Variants in ZNF385D observed in about 807,000 individuals in gnomAD.
ZNF385D encodes zinc finger protein 659.
A neutral mutation model predicts 35.8 loss-of-function variants in ZNF385D; 15 were observed. That is an observed-to-expected ratio of 0.42 (90% confidence interval 0.28 to 0.64). The LOEUF is 0.64. Among genes scored for constraint, ZNF385D ranks in the 30% least tolerant of loss-of-function variants. ZNF385D has a pLI of 0.23. For synonymous variants in ZNF385D, 212 were observed against 186.8 expected, an observed-to-expected ratio of 1.13 and a Z score of -1.10; for missense variants, 474 against 494.6, an observed-to-expected ratio of 0.96 and a Z score of 0.39.
chr3:21,425,594 T>C lies in ZNF385D; in HGVS notation c.750A>G (p.Lys250=). The C allele has an allele frequency of 6.2e-7, 1 of 1,608,942 alleles. No individual in the cohort carries two copies. Among genetic ancestry groups the C allele is most frequent in the African/African-American group, 1.3e-5 (1 of 74,828 alleles). The change falls in exon 6 of 8, where the codon AAA becomes AAG. Residue 250 remains lysine (K), a synonymous_variant. Transcript: ENST00000281523. ...TIKAFPRAGV[K]GKGPVNKGNT... ...TTCCTTTATTAACAGGTCCTTTGCC[T>C]TTCACTCCTGCCCTAGGAAAGGCTT... is the stretch of plus-strand genomic sequence containing the variant.
intron 3 of ZNF385D, chr3:21,958,897 G>A (rs772549467): frequency 6.6e-6 from 1 of 151,968 alleles, no homozygotes; most frequent in Non-Finnish European, 1.5e-5. Flanking sequence ...GAAGATAAAT[G>A]AAACATTGTA....
In ZNF385D at chr3:22,242,180, C is replaced by T. The variant is rs151231507; in HGVS notation, c.107-73145G>A. 6.3e-3 allele frequency among the ~76,000 whole-genome samples: 942 copies of T among 150,710 alleles called. 61 individuals are homozygous for T. The highest frequency in any genetic ancestry group is 0.022 in the African/African-American group (889 of 40,682). ...GCGTGGCACCTGTATACATATGTAA[C>T]TAACCTGCACAATGTGCACATGTAC... On this transcript the variant is annotated intron_variant, in intron 2 of 5. Transcript: ENST00000494108.
chr3:21,996,880 CG>C (rs1301772730), intron 3 of ZNF385D, among the ~76,000 whole-genome samples: 1 of 152,018 alleles, frequency 6.6e-6, no homozygotes, highest in Non-Finnish European at 1.5e-5. Flanking sequence ...CTTCTCTGCC[CG>C]AGTGATTAAG....
At chr3:22,246,787 T>A (rs543480934) in intron 2 of ZNF385D, among the ~76,000 whole-genome samples, 19 of 152,278 alleles carry the variant, frequency 1.2e-4, no homozygotes, top group African/African-American at 3.6e-4. Context: ...TCTTACATGT[T>A]CCCACTCTTA....
chr3:22,296,577 A>T (rs970547491), intron 2 of ZNF385D, among the ~76,000 whole-genome samples: 25 of 152,116 alleles, frequency 1.6e-4, no homozygotes, highest in African/African-American at 5.6e-4. Context: ...AGGAAACTGA[A>T]TTGTACAAAG....
chr3:22,083,464 A>G lies in ZNF385D; in HGVS notation c.325+85353T>C, dbSNP rs529227828. ...CAAGCTTCAGTAGCTGATTCGATCA[A>G]CTGGAAGAAAGGGTATCAGTGATGG... On this transcript the variant is annotated intron_variant, in intron 3 of 5. Coordinates refer to the ZNF385D transcript ENST00000494108. Among the ~76,000 whole-genome samples the G allele has an allele frequency of 5.3e-5, 8 of 152,346 alleles. No homozygotes were observed. The South Asian group carries it at 1.0e-3, about 20-fold the overall frequency.
chr3:21,571,463 C>T (rs565395151), intron 2 of ZNF385D, among the ~76,000 whole-genome samples: 2 of 152,222 alleles, frequency 1.3e-5, no homozygotes, highest in East Asian at 3.9e-4. Context: ...AGATACATAA[C>T]TAGGAATTAA....
chr3:22,040,216 T>G (rs1698579545), intron 3 of ZNF385D, among the ~76,000 whole-genome samples: 2 of 152,224 alleles, frequency 1.3e-5, no homozygotes, highest in Admixed American at 1.3e-4. Flanking sequence ...GCTTCCTTTA[T>G]TAAACCTTTT....
chr3:21,758,991 A>AAAAAC (rs2070476006), intron 3 of ZNF385D, among the ~76,000 whole-genome samples: 1 of 147,742 alleles, frequency 6.8e-6, no homozygotes, highest in Non-Finnish European at 1.5e-5. Context: ...AAAAAAAAAA[A>AAAAAC]AAAAAAAAAA....
chr3:21,722,760 C>G (rs558000194), intron 1 of ZNF385D, among the ~76,000 whole-genome samples: 3 of 152,160 alleles, frequency 2.0e-5, no homozygotes, highest in Non-Finnish European at 4.4e-5. Context: ...ATTTTGAAGC[C>G]TGCTGGCACC....
At chr3:22,049,854 G>C (rs1240768072) in intron 3 of ZNF385D, among the ~76,000 whole-genome samples, 1 of 152,092 alleles carries the variant, frequency 6.6e-6, no homozygotes, top group African/African-American at 2.4e-5. Context: ...AATCTCACTT[G>C]ATCATGGTGA....
intron 3 of ZNF385D, among the ~76,000 whole-genome samples, chr3:22,068,674 T>G (rs987825794): frequency 1.3e-5 from 2 of 152,238 alleles, no homozygotes; most frequent in African/African-American, 2.4e-5. Flanking sequence ...CTCTCACATA[T>G]GTGAAAGGCC....
chr3:22,023,991 G>C (rs1434671617), intron 3 of ZNF385D, among the ~76,000 whole-genome samples: 1 of 152,186 alleles, frequency 6.6e-6, no homozygotes, highest in Non-Finnish European at 1.5e-5. Context: ...CCCTGGGTAT[G>C]TCTGTGAGGA....
At chr3:21,907,329 C>T (rs1293714117) in intron 3 of ZNF385D, among the ~76,000 whole-genome samples, 1 of 152,106 alleles carries the variant, frequency 6.6e-6, no homozygotes, top group Non-Finnish European at 1.5e-5. Context: ...ATCTTTACTT[C>T]TACAATACAC....
intron 3 of ZNF385D, among the ~76,000 whole-genome samples, chr3:21,514,813 A>G (rs1707455192): frequency 6.6e-6 from 1 of 152,090 alleles, no homozygotes; most frequent in Admixed American, 6.6e-5. Context: ...AAACTCCGCT[A>G]AATTTAATTT....
chr3:21,730,336 T>C (rs1179976370), intron 1 of ZNF385D, among the ~76,000 whole-genome samples: 1 of 152,236 alleles, frequency 6.6e-6, no homozygotes, highest in Non-Finnish European at 1.5e-5. Context: ...GATGCCCAAC[T>C]ATGCTCTCCA....
At chr3:22,104,182 T>C (rs1006932094) in intron 3 of ZNF385D, among the ~76,000 whole-genome samples, 2 of 152,120 alleles carry the variant, frequency 1.3e-5, no homozygotes, top group African/African-American at 4.8e-5. Context: ...GCAGTTGCCA[T>C]TACCTCCATG....
intron 3 of ZNF385D, among the ~76,000 whole-genome samples, chr3:22,114,741 A>C (rs910471228): frequency 3.3e-5 from 5 of 152,030 alleles, no homozygotes; most frequent in Admixed American, 2.0e-4. Flanking sequence ...CTAAAGTGTG[A>C]ATGTTTGTGT....
chr3:22,236,096 C>G (rs1476010241), intron 2 of ZNF385D, among the ~76,000 whole-genome samples: 1 of 151,962 alleles, frequency 6.6e-6, no homozygotes, highest in Non-Finnish European at 1.5e-5. Flanking sequence ...AATATACAAT[C>G]AGCACAAATA....
Sources: gnomAD v4.1 joint callset for allele counts (sites outside exome capture counted in the v4.1 genomes callset) on GRCh38, gnomAD v4.1.1 for gene constraint, MANE v1.5 for transcripts, NCBI Gene and HGNC (gene_info 2026-07-23, HGNC 2026-07-21) for gene names.